Variants in SFMBT2 observed in about 807,000 individuals in gnomAD.
SFMBT2 encodes the protein scm-like with four MBT domains protein 2.
A neutral mutation model predicts 110.1 loss-of-function variants in SFMBT2; 38 were observed. That is an observed-to-expected ratio of 0.35 (90% CI 0.27 to 0.45). The LOEUF (loss-of-function observed/expected upper bound fraction) is 0.45. Ranked by LOEUF, SFMBT2 falls within the 20% of genes least tolerant of loss-of-function variation. The pLI is 1.00. For synonymous variants in SFMBT2, 425 were observed against 425.4 expected, an observed-to-expected ratio of 1.00 and a Z score of 0.01; for missense variants, 1,011 against 1,094.9, an observed-to-expected ratio of 0.92 and a Z score of 1.08.
intron 4 of SFMBT2, among the ~76,000 whole-genome samples, chr10:7,324,835 G>C (rs543436332): frequency 2.1e-4 from 32 of 152,254 alleles, no homozygotes; most frequent in African/African-American, 7.2e-4. Flanking sequence ...CTCAGGCAGA[G>C]AAGGGAGGCG....
At chr10:7,287,229 G>T (rs568351842) in intron 4 of SFMBT2, 1 of 151,954 alleles carries the variant, frequency 6.6e-6, no homozygotes, top group African/African-American at 2.4e-5. Flanking sequence ...ACAGGCACCC[G>T]CCACCATGCC....
At chr10:7,165,971 GTA>G (rs1207559462) in intron 20 of SFMBT2, among the ~76,000 whole-genome samples, 2 of 152,224 alleles carry the variant, frequency 1.3e-5, no homozygotes, top group African/African-American at 4.8e-5. Flanking sequence ...AAATCCACAT[GTA>G]ATACATCAAA....
intron 1 of SFMBT2, among the ~76,000 whole-genome samples, chr10:7,399,996 G>A (rs1392788688): frequency 6.6e-6 from 1 of 152,228 alleles, no homozygotes; most frequent in Non-Finnish European, 1.5e-5. Flanking sequence ...TCTGAGCCAG[G>A]TCTGGAGAAA....
chr10:7,173,485 T>G (rs1356778649), intron 17 of SFMBT2, among the ~76,000 whole-genome samples: 2 of 152,132 alleles, frequency 1.3e-5, no homozygotes, highest in Non-Finnish European at 2.9e-5. Context: ...CTTCTCAGAG[T>G]TCCTTCTCTA....
At chr10:7,282,244 A>C (rs774350243) in intron 6 of SFMBT2, among the ~76,000 whole-genome samples, 1 of 152,248 alleles carries the variant, frequency 6.6e-6, no homozygotes, top group Non-Finnish European at 1.5e-5. Context: ...ACAGCTCATA[A>C]GCGAGTATTT....
chr10:7,247,396 C>T (rs181277552), intron 8 of SFMBT2, among the ~76,000 whole-genome samples: 1 of 152,228 alleles, frequency 6.6e-6, no homozygotes, highest in East Asian at 1.9e-4. Flanking sequence ...GGATTACAGG[C>T]ATGAGTCACT....
At chr10:7,197,304 C>G (rs1206104211) in intron 15 of SFMBT2, among the ~76,000 whole-genome samples, 1 of 152,124 alleles carries the variant, frequency 6.6e-6, no homozygotes, top group East Asian at 1.9e-4. Flanking sequence ...TGCAACTTTT[C>G]CCCCTAATTC....
intron 6 of SFMBT2, among the ~76,000 whole-genome samples, chr10:7,280,263 T>C (rs1841911945): frequency 6.6e-6 from 1 of 152,234 alleles, no homozygotes; most frequent in Non-Finnish European, 1.5e-5. Context: ...CATTTTGTTA[T>C]GGCAGCTTGA....
intron 4 of SFMBT2, among the ~76,000 whole-genome samples, chr10:7,353,295 A>G (rs973185325): frequency 3.3e-5 from 5 of 152,164 alleles, no homozygotes; most frequent in Admixed American, 6.5e-5. Context: ...GGACCAAATC[A>G]ACAGCCAGTA....
At chr10:7,358,257 T>A (rs1442889174) in intron 4 of SFMBT2, among the ~76,000 whole-genome samples, 6 of 148,524 alleles carry the variant, frequency 4.0e-5, no homozygotes, top group Admixed American at 3.3e-4. Context: ...CTAGAACACC[T>A]GCATGGCCCT....
chr10:7,359,395 A>AATT (rs1844641176), intron 4 of SFMBT2, among the ~76,000 whole-genome samples: 1 of 152,186 alleles, frequency 6.6e-6, no homozygotes, highest in African/African-American at 2.4e-5. Context: ...AGGCTCTGAC[A>AATT]ATTATGGAAG....
At chr10:7,254,463 A>G (rs995819022) in intron 7 of SFMBT2, among the ~76,000 whole-genome samples, 43 of 152,208 alleles carry the variant, frequency 2.8e-4, no homozygotes, top group African/African-American at 1.0e-3. Context: ...CGATCACAGT[A>G]GTCAAAGGAT....
intron 4 of SFMBT2, among the ~76,000 whole-genome samples, chr10:7,360,605 C>T (rs975451512): frequency 6.6e-6 from 1 of 152,074 alleles, no homozygotes; most frequent in Non-Finnish European, 1.5e-5. Flanking sequence ...TTTGCCATTA[C>T]CTATATGAAG....
chr10:7,313,963 A>C lies in SFMBT2; in HGVS notation c.437-28009T>G, dbSNP rs573225371. Among the ~76,000 whole-genome samples the C allele has an allele frequency of 2.6e-5, 4 of 152,324 alleles. No homozygotes were observed. The East Asian group carries it at 5.8e-4, about 22-fold the overall frequency. On this transcript the variant is annotated intron_variant, in intron 4 of 20. Transcript: ENST00000397167. Reference sequence around the variant, plus strand: ...AGTTATTTCTGGGAAGTGAGTTTGAAGGGGGGAGAGGAAGGAGGACTTTCA... The same window carrying C: ...AGTTATTTCTGGGAAGTGAGTTTGACGGGGGGAGAGGAAGGAGGACTTTCA...
At chr10:7,198,830 C>G (rs368580718) in intron 14 of SFMBT2, among the ~76,000 whole-genome samples, 32 of 152,064 alleles carry the variant, frequency 2.1e-4, no homozygotes, top group African/African-American at 7.5e-4. Context: ...CACCTGAGGT[C>G]AGGAGTTCCA....
chr10:7,284,003 C>T lies in SFMBT2; in HGVS notation c.673G>A (p.Asp225Asn), dbSNP rs1306399745. 13 of 1,612,758 alleles carry T rather than the reference C, an allele frequency of 8.1e-6. No individual in the cohort carries two copies. The highest frequency in any genetic ancestry group is 7.7e-5 in the South Asian group (7 of 91,042). The change falls in exon 6 of 21, where the codon GAC (aspartate) becomes AAC (asparagine). Residue 225 changes from aspartate to asparagine, a missense_variant. This residue lies in a region of SFMBT2 where 979 missense variants were observed against 1,016.1 expected (regional missense o/e 0.96). Transcript: ENST00000397167. ...RLRLRYVGLE[D>N]TESYDQWLFY... ...AACCACTGGTCATAGGATTCAGTGT[C>T]CTCCAATCCCACATAGCGAAGGCGT...
chr10:7,205,343 G>T, intron 12 of SFMBT2: 1 of 930,832 alleles, frequency 1.1e-6, no homozygotes, highest in Non-Finnish European at 1.3e-6. Context: ...CTCCTGCCTT[G>T]GCCTCCCAAA....
chr10:7,284,462 G>A, intron 5 of SFMBT2: 1 of 1,079,042 alleles, frequency 9.3e-7, no homozygotes. Context: ...TTAACAATCA[G>A]TATGCTTTTA....
chr10:7,373,480 G>A (rs1200190241), intron 2 of SFMBT2, among the ~76,000 whole-genome samples: 1 of 152,192 alleles, frequency 6.6e-6, no homozygotes, highest in African/African-American at 2.4e-5. Flanking sequence ...GATGATGGAT[G>A]TATACTCACA....
Sources: allele counts gnomAD v4.1 joint callset (sites outside exome capture counted in the v4.1 genomes callset), GRCh38; gene constraint gnomAD v4.1.1; regional missense constraint gnomAD v4.1.1; transcripts MANE v1.5; gene names NCBI Gene and HGNC (gene_info 2026-07-23, HGNC 2026-07-21).